GAS2: variants seen among roughly 807,000 people sequenced by gnomAD.
GAS2 encodes growth arrest-specific protein 2.
A neutral mutation model predicts 37.5 loss-of-function variants in GAS2; 20 were observed. The ratio of observed to expected loss-of-function variants is 0.53; its 90% CI spans 0.37 to 0.77. The LOEUF is 0.77. Among genes scored for constraint, GAS2 ranks in the 30% least tolerant of loss-of-function variants. The pLI is 0.00. For synonymous variants in GAS2, 144 were observed against 132.2 expected, an observed-to-expected ratio of 1.09 and a Z score of -0.61; for missense variants, 336 against 373.4, an observed-to-expected ratio of 0.90 and a Z score of 0.82.
intron 3 of GAS2, among the ~76,000 whole-genome samples, chr11:22,716,982 G>A (rs536783121): frequency 2.7e-4 from 41 of 152,146 alleles, no homozygotes; most frequent in East Asian, 1.2e-3. Flanking sequence ...AAAACACTAC[G>A]GAAAGAAATC....
chr11:22,696,940 T>G (rs867967057), intron 3 of GAS2, among the ~76,000 whole-genome samples: 2,679 of 148,478 alleles, frequency 0.018, 79 homozygotes, highest in African/African-American at 0.06. Context: ...AGAAGCTCTT[T>G]AGTTTAATTA....
In GAS2 at chr11:22,658,946, A is replaced by C. The variant is rs144120848; in HGVS notation, c.-20-15904A>C. Reference sequence around the variant, plus strand: ...GTGTGTTTTTGGTTGTATGCAGCATAGTTGCATCATGTTAGTAGTATCATG... The same window carrying C: ...GTGTGTTTTTGGTTGTATGCAGCATCGTTGCATCATGTTAGTAGTATCATG... On this transcript the variant is annotated intron_variant, in intron 1 of 5. Transcript: ENST00000528582. Among the ~76,000 whole-genome samples the C allele has an allele frequency of 2.6e-5, 4 of 152,368 alleles. No homozygotes were observed. In the East Asian group the frequency reaches 7.7e-4, roughly 29 times the overall value.
At chr11:22,672,026 A>G (rs1054368353) in intron 1 of GAS2, among the ~76,000 whole-genome samples, 12 of 152,148 alleles carry the variant, frequency 7.9e-5, no homozygotes, top group African/African-American at 2.9e-4. Context: ...GAGAATCTGA[A>G]TTCTTTTAAG....
At position 22,722,200 on chromosome 11, in the gene GAS2, TTGCCA is replaced by T. The variant is rs1851984387; in HGVS notation, c.268-4091_268-4087del. Among the ~76,000 whole-genome samples the T allele has an allele frequency of 3.3e-5, 5 of 152,068 alleles. No individual in the cohort carries two copies. In the South Asian group the frequency reaches 6.2e-4, roughly 19 times the overall value. On this transcript the variant is annotated intron_variant, in intron 3 of 7. Transcript: ENST00000454584. ...GGAAAATTTAATTTTTTTCTGTTTA[TTGCCA>T]CCAATCTTGGTTGTTTCCTGATGGG...
At chr11:22,650,133 G>GT (rs1265342759) in intron 1 of GAS2, among the ~76,000 whole-genome samples, 1 of 151,880 alleles carries the variant, frequency 6.6e-6, no homozygotes, top group Non-Finnish European at 1.5e-5. Flanking sequence ...TTTCTCGTTG[G>GT]TTTCAAAGAA....
intron 3 of GAS2, among the ~76,000 whole-genome samples, chr11:22,704,585 A>C: frequency 8.2e-6 from 1 of 121,840 alleles, no homozygotes; most frequent in African/African-American, 3.4e-5. Context: ...CAGTGAAAAT[A>C]AACATATATA....
intron 7 of GAS2, among the ~76,000 whole-genome samples, chr11:22,795,672 T>C (rs1325446995): frequency 2.0e-5 from 3 of 151,850 alleles, no homozygotes; most frequent in Admixed American, 6.6e-5. Context: ...GTAACAGGAG[T>C]CCAGATCTTC....
chr11:22,695,931 G>A (rs926765475), intron 3 of GAS2, among the ~76,000 whole-genome samples: 6 of 151,766 alleles, frequency 4.0e-5, no homozygotes, highest in African/African-American at 1.2e-4. Context: ...TTTCTAAAAC[G>A]TTGTTTTTTT....
At chr11:22,631,343 G>C (rs935419700) in intron 1 of GAS2, among the ~76,000 whole-genome samples, 1 of 151,956 alleles carries the variant, frequency 6.6e-6, no homozygotes, top group Admixed American at 6.6e-5. Flanking sequence ...TCTCTTGCTT[G>C]AGTGCTCTGG....
chr11:22,752,254 A>G (rs2134308603), intron 6 of GAS2, among the ~76,000 whole-genome samples: 1 of 152,176 alleles, frequency 6.6e-6, no homozygotes, highest in South Asian at 2.1e-4. Flanking sequence ...TTAACCTGGA[A>G]TCTTCTAAAC....
chr11:22,800,284 T>C (rs139067956), intron 7 of GAS2, among the ~76,000 whole-genome samples: 26 of 152,240 alleles, frequency 1.7e-4, no homozygotes, highest in African/African-American at 5.1e-4. Context: ...ACATTATGTA[T>C]GCTTCTGACC....
intron 2 of GAS2, among the ~76,000 whole-genome samples, chr11:22,681,144 G>A (rs1247732267): frequency 1.3e-5 from 2 of 152,150 alleles, no homozygotes; most frequent in African/African-American, 2.4e-5. Context: ...CAACTTGGAA[G>A]ATTAAAAGGA....
intron 1 of GAS2, among the ~76,000 whole-genome samples, chr11:22,667,386 G>A (rs1027472391): frequency 1.3e-5 from 2 of 152,204 alleles, no homozygotes; most frequent in Non-Finnish European, 2.9e-5. Context: ...TTTTACTTGA[G>A]TCGTTGAGGC....
intron 7 of GAS2, among the ~76,000 whole-genome samples, chr11:22,794,240 T>C (rs898547333): frequency 6.6e-6 from 1 of 152,098 alleles, no homozygotes; most frequent in South Asian, 2.1e-4. Flanking sequence ...AAGAAATACA[T>C]ATACATTGTT....
At chr11:22,637,123 A>G (rs1310911358) in intron 1 of GAS2, among the ~76,000 whole-genome samples, 5 of 128,180 alleles carry the variant, frequency 3.9e-5, no homozygotes, top group African/African-American at 1.5e-4. Context: ...ATATAATATT[A>G]CTTATATTAA....
intron 1 of GAS2, among the ~76,000 whole-genome samples, chr11:22,631,212 A>G (rs1858740496): frequency 6.6e-6 from 1 of 152,196 alleles, no homozygotes; most frequent in Admixed American, 6.5e-5. Context: ...TCATTTATCA[A>G]ATCTAGGAGT....
chr11:22,663,072 A>G (rs1308339901), upstream of GAS2, among the ~76,000 whole-genome samples: 1 of 152,088 alleles, frequency 6.6e-6, no homozygotes, highest in East Asian at 1.9e-4. Flanking sequence ...AAGGGGCAGC[A>G]CGGCATGTCT....
Position 22,690,041 on chromosome 11 carries a change from T to C in GAS2, c.267+4252T>C, listed in dbSNP as rs557689900. Among the ~76,000 whole-genome samples the C allele has an allele frequency of 2.0e-5, 3 of 152,322 alleles. No homozygotes were observed. The South Asian group carries it at 6.2e-4, about 32-fold the overall frequency. ...ATGCCACAGGAAGCTCTCTGTAATT[T>C]TTTTCTAGCAGCTTTAATCTTATCT... is the stretch of plus-strand genomic sequence containing the variant. On this transcript the variant is annotated intron_variant, in intron 3 of 7. Transcript: ENST00000454584.
chr11:22,655,255 T>C (rs1302831847), intron 1 of GAS2, among the ~76,000 whole-genome samples: 1 of 152,166 alleles, frequency 6.6e-6, no homozygotes, highest in African/African-American at 2.4e-5. Context: ...CTGTCTTTGC[T>C]CTCCCATGGA....
Sources: gnomAD v4.1 joint callset for allele counts (sites outside exome capture counted in the v4.1 genomes callset) on GRCh38, gnomAD v4.1.1 for gene constraint, MANE v1.5 for transcripts, NCBI Gene and HGNC (gene_info 2026-07-23, HGNC 2026-07-21) for gene names.